Variants in LTBP1 observed in about 807,000 individuals in gnomAD.
LTBP1 encodes latent-transforming growth factor beta-binding protein 1.
LTBP1 carries 129 observed loss-of-function variants against 207.6 expected under a neutral mutation model. The observed-to-expected ratio is 0.62, with a 90% CI of 0.54 to 0.72. LTBP1 has a LOEUF of 0.72. Ranked by LOEUF, LTBP1 falls within the 30% of genes least tolerant of loss-of-function variation. LTBP1 has a pLI of 0.00. For missense variants in LTBP1, 2,281 were observed against 2,217.2 expected (o/e 1.03, Z -0.58); for synonymous variants, 963 against 833.7 (o/e 1.16, Z -2.67).
At chr2:33,308,168 T>C (rs1049404049) in intron 22 of LTBP1, among the ~76,000 whole-genome samples, 1 of 152,172 alleles carries the variant, frequency 6.6e-6, no homozygotes, top group Non-Finnish European at 1.5e-5. Context: ...GCTCATGGAG[T>C]ACATTAGGAA....
At chr2:33,258,642 A>T (rs1247864398) in intron 12 of LTBP1, among the ~76,000 whole-genome samples, 3 of 152,222 alleles carry the variant, frequency 2.0e-5, no homozygotes, top group African/African-American at 7.2e-5. Flanking sequence ...TTGCACAGGC[A>T]GGAGGAAATG....
intron 4 of LTBP1, among the ~76,000 whole-genome samples, chr2:33,122,850 CCTT>C (rs1267964411): frequency 2.6e-5 from 4 of 152,196 alleles, no homozygotes; most frequent in Middle Eastern, 3.2e-3. Context: ...ACGTCTATCT[CCTT>C]CTTGCTGTAC....
intron 3 of LTBP1, among the ~76,000 whole-genome samples, chr2:33,098,894 G>T (rs1412825489): frequency 2.0e-5 from 3 of 152,172 alleles, no homozygotes; most frequent in African/African-American, 7.2e-5. Flanking sequence ...CCTTCACCAT[G>T]TTCTCTGAAC....
Position 32,947,641 on chromosome 2 carries a change from C to T in LTBP1, c.317C>T (p.Pro106Leu). 1.5e-6 allele frequency: 2 copies of T among 1,376,812 alleles called. No homozygotes were observed. Among genetic ancestry groups the T allele is most frequent in the South Asian group, 1.7e-5 (1 of 58,032 alleles). 85.3% of individuals were successfully genotyped at this position (1,376,812 alleles called of 1,614,324 possible). Reference sequence around the variant, plus strand: ...CTCAGACCGCCGCCGCCGCCGCCGCCGGAGCCTGCGCGTCCCGCGGTCCCC... The same window carrying T: ...CTCAGACCGCCGCCGCCGCCGCCGCTGGAGCCTGCGCGTCCCGCGGTCCCC... ...QGLRPPPPPP[P>L]EPARPAVPGG... is the part of the protein sequence containing the mutation. Residue 106 changes from proline (P) to leucine (L), a missense_variant, in exon 1 of 34, where the codon CCG becomes CTG. Physicochemically the swap from Pro to Leu is moderately conservative, Grantham distance 98. Around this residue, in one of 3 missense-constraint regions of LTBP1, gnomAD observed 555 missense variants for 491.0 expected, o/e 1.13. Transcript: ENST00000404816.
In LTBP1 at chr2:33,191,798, A is replaced by C. The variant is rs563404699; in HGVS notation, c.1701+2947A>C. On this transcript the variant is annotated intron_variant, in intron 7 of 33. Transcript: ENST00000404816. The stretch of plus-strand genomic sequence containing the variant: ...GCCGTCTTATTAATTGCAAGTGTCA[A>C]ACATTGAGACTTTCAATGCAATAGT... Among the ~76,000 whole-genome samples the C allele has an allele frequency of 2.0e-5, 3 of 152,344 alleles. No individual in the cohort carries two copies. In the South Asian group the frequency reaches 6.2e-4, roughly 32 times the overall value.
At position 33,398,523 on chromosome 2, in the gene LTBP1, A is replaced by G. The variant is rs1264834608; in HGVS notation, c.5144A>G (p.Glu1715Gly). Reference protein sequence around the residue: ...CTPLNTALNLEKDSDLE With the variant: ...CTPLNTALNLGKDSDLE ...CCGTTGAATACCGCCTTGAATTTAG[A>G]GAAAGACAGTGACCTGGAGTGAAAC... The change falls in exon 34 of 34, where the codon GAG (glutamate) becomes GGG (glycine). Residue 1715 changes from glutamate (E) to glycine (G), a missense_variant. Physicochemically the swap from Glu to Gly is moderately conservative, Grantham distance 98. Transcript: ENST00000404816. 2 of 1,614,000 alleles carry G rather than the reference A, an allele frequency of 1.2e-6. No individual in the cohort carries two copies. The highest frequency in any genetic ancestry group is 2.2e-5 in the East Asian group (1 of 44,898).
chr2:33,138,880 A>G (rs1377154115), intron 5 of LTBP1, among the ~76,000 whole-genome samples: 7 of 84,622 alleles, frequency 8.3e-5, no homozygotes, highest in Non-Finnish European at 6.4e-5. Context: ...TTTTTTTGAG[A>G]CGGAGTCTCG....
At chr2:33,289,394 G>T (rs1030140389) in intron 19 of LTBP1, among the ~76,000 whole-genome samples, 1 of 152,028 alleles carries the variant, frequency 6.6e-6, no homozygotes, top group East Asian at 1.9e-4. Flanking sequence ...AAGTGTCAAG[G>T]TCTTGTCCAG....
intron 3 of LTBP1, among the ~76,000 whole-genome samples, chr2:33,039,663 G>C (rs1406861902): frequency 6.6e-6 from 1 of 152,172 alleles, no homozygotes; most frequent in Non-Finnish European, 1.5e-5. Context: ...TATATGTTGT[G>C]TTTGTGGGGG....
chr2:32,981,964 C>T (rs779668549), intron 2 of LTBP1, among the ~76,000 whole-genome samples: 7 of 152,134 alleles, frequency 4.6e-5, no homozygotes, highest in Non-Finnish European at 7.3e-5. Context: ...TACAGTAAAT[C>T]GGTACCAGTA....
intron 5 of LTBP1, among the ~76,000 whole-genome samples, chr2:33,166,135 T>G: frequency 6.6e-6 from 1 of 152,032 alleles, no homozygotes; most frequent in East Asian, 1.9e-4. Context: ...TGAGATCAAT[T>G]TGGTAAATTT....
chr2:33,184,697 G>A (rs1159563166), intron 5 of LTBP1, among the ~76,000 whole-genome samples: 2 of 151,392 alleles, frequency 1.3e-5, no homozygotes, highest in African/African-American at 4.9e-5. Context: ...AGATGGGCAG[G>A]GACTGAATCT....
chr2:33,179,050 C>T (rs894794308), intron 5 of LTBP1, among the ~76,000 whole-genome samples: 2 of 120,478 alleles, frequency 1.7e-5, no homozygotes, highest in African/African-American at 2.7e-5. Context: ...CCCCAGCATG[C>T]TTTTATTTGC....
intron 7 of LTBP1, among the ~76,000 whole-genome samples, chr2:33,189,575 G>A (rs896160377): frequency 3.4e-4 from 51 of 152,174 alleles, no homozygotes; most frequent in Admixed American, 3.3e-3. Context: ...AATGTGTCAG[G>A]CGTGAGATAT....
At chr2:33,204,745 A>G (rs1408051730) in intron 7 of LTBP1, among the ~76,000 whole-genome samples, 2 of 152,190 alleles carry the variant, frequency 1.3e-5, no homozygotes, top group African/African-American at 2.4e-5. Flanking sequence ...ATACCTGGCC[A>G]TGGGGCAAGC....
intron 3 of LTBP1, among the ~76,000 whole-genome samples, chr2:33,069,601 A>T (rs2077687384): frequency 6.6e-6 from 1 of 152,220 alleles, no homozygotes; most frequent in Admixed American, 6.5e-5. Flanking sequence ...TTGTCAGTCA[A>T]GATTATTCTC....
At chr2:33,019,095 C>T (rs996122987) in intron 2 of LTBP1, among the ~76,000 whole-genome samples, 7 of 152,004 alleles carry the variant, frequency 4.6e-5, no homozygotes, top group Admixed American at 2.6e-4. Context: ...TCCTGTTGTT[C>T]GTTTTGCTTG....
intron 27 of LTBP1, among the ~76,000 whole-genome samples, chr2:33,361,152 A>G (rs1458307164): frequency 1.3e-5 from 2 of 152,238 alleles, no homozygotes; most frequent in Non-Finnish European, 2.9e-5. Context: ...GATACTATAC[A>G]TCACAGTAGT....
chr2:33,007,449 TTTA>T, intron 2 of LTBP1, among the ~76,000 whole-genome samples: 1 of 152,222 alleles, frequency 6.6e-6, no homozygotes, highest in East Asian at 1.9e-4. Flanking sequence ...CATTGTAGCT[TTTA>T]CTCAGTTAAG....
Sources: gnomAD v4.1 joint callset for allele counts (sites outside exome capture counted in the v4.1 genomes callset) on GRCh38, gnomAD v4.1.1 for gene constraint, gnomAD v4.1.1 regional missense constraint, MANE v1.5 for transcripts, NCBI Gene and HGNC (gene_info 2026-07-23, HGNC 2026-07-21) for gene names.